Variants in PLD5 observed in about 807,000 individuals in gnomAD.
PLD5 encodes inactive phospholipase D5.
Under a neutral mutation model 61.1 loss-of-function variants are expected in PLD5, and 36 were observed. The observed-to-expected ratio is 0.59, with a 90% CI of 0.45 to 0.78. The LOEUF (loss-of-function observed/expected upper bound fraction) is 0.78, where lower values mean the gene tolerates loss of function less well. Among genes scored for constraint, PLD5 ranks in the 30% least tolerant of loss-of-function variants. The pLI is 0.00. For missense variants in PLD5, 515 were observed against 644.4 expected (o/e 0.80, Z 2.17); for synonymous variants, 243 against 242.8 (o/e 1.00, Z -0.01).
In PLD5 at chr1:242,299,903, A is replaced by G. The variant is rs1435329896; in HGVS notation, c.327-11373T>C. Among the ~76,000 whole-genome samples the G allele has an allele frequency of 2.0e-5, 3 of 152,254 alleles. No individual in the cohort carries two copies. In the East Asian group the frequency reaches 5.8e-4, roughly 29 times the overall value. On this transcript the variant is annotated intron_variant, in intron 2 of 9. Coordinates refer to ENST00000536534, the MANE Select transcript of PLD5 (RefSeq NM_001372062.1). ...GCTCTCCAAGTGCTGAAAGGCACCCAGGCAAAACCCCTGTTTTCATGGGGC... is the reference window on the plus strand; with the variant it reads ...GCTCTCCAAGTGCTGAAAGGCACCCGGGCAAAACCCCTGTTTTCATGGGGC...
chr1:242,255,060 G>A (rs976829986), intron 4 of PLD5, among the ~76,000 whole-genome samples: 1 of 152,088 alleles, frequency 6.6e-6, no homozygotes, highest in African/African-American at 2.4e-5. Flanking sequence ...GCATGCCGGG[G>A]TGACCGTTGG....
chr1:242,254,784 G>C (rs1365244028), intron 4 of PLD5, among the ~76,000 whole-genome samples: 1 of 152,198 alleles, frequency 6.6e-6, no homozygotes, highest in Non-Finnish European at 1.5e-5. Flanking sequence ...GGCCACAAAA[G>C]TACCTGTTCC....
chr1:242,143,344 C>T (rs1664315810), intron 5 of PLD5, among the ~76,000 whole-genome samples: 1 of 152,134 alleles, frequency 6.6e-6, no homozygotes, highest in African/African-American at 2.4e-5. Flanking sequence ...TGAGCCACTG[C>T]ACCCTGCTAG....
At chr1:242,177,572 T>C (rs1159667993) in intron 5 of PLD5, among the ~76,000 whole-genome samples, 1 of 152,024 alleles carries the variant, frequency 6.6e-6, no homozygotes, top group African/African-American at 2.4e-5. Flanking sequence ...TAAAAAAAAT[T>C]TGCACTGAAG....
chr1:242,418,021 C>T (rs1664923366), intron 1 of PLD5, among the ~76,000 whole-genome samples: 1 of 152,200 alleles, frequency 6.6e-6, no homozygotes, highest in Non-Finnish European at 1.5e-5. Context: ...CCTGGAAAGA[C>T]AAGGGCAGAA....
At chr1:242,519,656 A>T (rs1172788927) in intron 1 of PLD5, among the ~76,000 whole-genome samples, 2 of 152,182 alleles carry the variant, frequency 1.3e-5, no homozygotes, top group Non-Finnish European at 2.9e-5. Flanking sequence ...TGCTAGCAGG[A>T]CCAGCTGAGA....
rs117071716 is a variant in PLD5, at chr1:242,133,563, T to C, written c.736-8898A>G. Among the ~76,000 whole-genome samples the C allele has an allele frequency of 7.7e-3, 1,167 of 152,324 alleles. 18 individuals carry two copies. In the East Asian group the frequency reaches 0.088, roughly 11 times the overall value. ...CTGAGATGACAAAAGGGGAAGTGAC[T>C]TGCAAGATCACAGAATAATGTCCCT... On this transcript the variant is annotated intron_variant, in intron 5 of 9. Transcript: ENST00000536534.
rs985671809 is a variant in PLD5, at chr1:242,083,401, G to C, written c.*6453C>G. 6.6e-6 allele frequency: 1 copy of C among 152,204 alleles called. No individual in the cohort carries two copies. Among genetic ancestry groups the C allele is most frequent in the South Asian group, 2.1e-4 (1 of 4,830 alleles). The allele number at this position is 152,204 out of a possible 1,614,324, so 9.4% of individuals were successfully genotyped here. Reference sequence around the variant, plus strand: ...ACCTTGGTACAATCAGCTGTGGCCAGTGTAGAGAGCTCACATGGCAGAAAA... The same window carrying C: ...ACCTTGGTACAATCAGCTGTGGCCACTGTAGAGAGCTCACATGGCAGAAAA... On this transcript the variant is annotated 3_prime_UTR_variant, in exon 10 of 10. Transcript: ENST00000536534.
chr1:242,177,795 A>C (rs537561923), intron 5 of PLD5: 1 of 152,208 alleles, frequency 6.6e-6, no homozygotes, highest in South Asian at 2.1e-4. Flanking sequence ...GGGGATTTCC[A>C]CTGATCCTTT....
At chr1:242,141,128 C>A (rs966583824) in intron 5 of PLD5, among the ~76,000 whole-genome samples, 1 of 152,130 alleles carries the variant, frequency 6.6e-6, no homozygotes, top group Non-Finnish European at 1.5e-5. Flanking sequence ...GAACAGCTGG[C>A]TCCTTCCTTT....
At chr1:242,357,382 A>T (rs1263924542) in intron 1 of PLD5, among the ~76,000 whole-genome samples, 8 of 149,132 alleles carry the variant, frequency 5.4e-5, no homozygotes, top group Admixed American at 2.0e-4. Flanking sequence ...TGATAGTTTG[A>T]TTATTATATG....
chr1:242,489,528 T>C (rs779565303), intron 1 of PLD5, among the ~76,000 whole-genome samples: 1 of 152,068 alleles, frequency 6.6e-6, no homozygotes, highest in Non-Finnish European at 1.5e-5. Context: ...AATAAAACAT[T>C]AGCAAAAATA....
intron 1 of PLD5, among the ~76,000 whole-genome samples, chr1:242,456,729 T>C (rs1338425513): frequency 1.3e-5 from 2 of 152,190 alleles, no homozygotes; most frequent in Non-Finnish European, 2.9e-5. Context: ...CATTAAAATC[T>C]AGTTTTCTGA....
At chr1:242,265,707 A>G (rs1673632298) in intron 3 of PLD5, among the ~76,000 whole-genome samples, 1 of 152,192 alleles carries the variant, frequency 6.6e-6, no homozygotes, top group Non-Finnish European at 1.5e-5. Flanking sequence ...CAATGCTACA[A>G]TGCAAATCTA....
intron 4 of PLD5, among the ~76,000 whole-genome samples, chr1:242,264,434 T>C (rs1279962028): frequency 6.6e-6 from 1 of 152,222 alleles, no homozygotes; most frequent in African/African-American, 2.4e-5. Flanking sequence ...CTTCCAATTT[T>C]TCTTCTTCAG....
intron 4 of PLD5, among the ~76,000 whole-genome samples, chr1:242,246,050 T>C (rs1672334411): frequency 1.3e-5 from 2 of 152,142 alleles, no homozygotes; most frequent in Non-Finnish European, 2.9e-5. Context: ...GCTACTATTA[T>C]TAGTCCATTG....
At position 242,083,260 on chromosome 1, in the gene PLD5, AG is replaced by A. The variant is rs951325720; in HGVS notation, c.*6593del. ...TTCTGGTGTTCAAACTCCCTAAAAG[AG>A]GGCCGTGATTGGTGGGGCCAGGTAC... is the stretch of plus-strand genomic sequence containing the variant. On this transcript the variant is annotated 3_prime_UTR_variant, in exon 10 of 10. Coordinates refer to ENST00000536534, the MANE Select transcript of PLD5 (RefSeq NM_001372062.1). 1.3e-5 allele frequency: 2 copies of A among 152,194 alleles called. No homozygotes were observed. The highest frequency in any genetic ancestry group is 2.9e-5 in the Non-Finnish European group (2 of 68,070). 9.4% of individuals were successfully genotyped at this position (152,194 alleles called of 1,614,324 possible).
chr1:242,296,478 T>C (rs1675665237), intron 2 of PLD5, among the ~76,000 whole-genome samples: 1 of 152,186 alleles, frequency 6.6e-6, no homozygotes, highest in Non-Finnish European at 1.5e-5. Context: ...AAGGCTAACC[T>C]TCCCAAAGAG....
chr1:242,089,073 T>G lies in PLD5; in HGVS notation c.*781A>C, dbSNP rs2148638621. ...GCTTGAGAGAAAGGATACATATTGC[T>G]GACTGTGATTTTTTTTAAATACCAA... On this transcript the variant is annotated 3_prime_UTR_variant, in exon 10 of 10. Coordinates refer to ENST00000536534, the MANE Select transcript of PLD5 (RefSeq NM_001372062.1). 2.8e-6 allele frequency: 1 copy of G among 363,260 alleles called. No individual in the cohort carries two copies. The highest frequency in any genetic ancestry group is 7.0e-4 in the Middle Eastern group (1 of 1,424). The allele number at this position is 363,260 out of a possible 1,614,324, so 22.5% of individuals were successfully genotyped here.
Sources: gnomAD v4.1 joint callset for allele counts (sites outside exome capture counted in the v4.1 genomes callset) on GRCh38, gnomAD v4.1.1 for gene constraint, MANE v1.5 for transcripts, NCBI Gene and HGNC (gene_info 2026-07-23, HGNC 2026-07-21) for gene names.